Variants in TJP1 observed in about 807,000 individuals in gnomAD.
TJP1 encodes tight junction protein 1.
Under a neutral mutation model 194.2 loss-of-function variants are expected in TJP1, and 43 were observed. That is an observed-to-expected ratio of 0.22 (90% CI 0.17 to 0.29). The LOEUF is 0.29. Ranked by LOEUF, TJP1 falls within the 10% of genes least tolerant of loss-of-function variation. The pLI is 1.00. For missense variants in TJP1, 1,971 were observed against 2,185.7 expected (o/e 0.90, Z 1.96); for synonymous variants, 801 against 779.0 (o/e 1.03, Z -0.47).
At chr15:29,832,061 C>T (rs114798201) in intron 2 of TJP1, among the ~76,000 whole-genome samples, 1,928 of 152,206 alleles carry the variant, frequency 0.013, 46 homozygotes, top group African/African-American at 0.045. Flanking sequence ...TACATTATTC[C>T]TGTCCCTGTT....
Position 29,732,591 on chromosome 15 carries a change from C to T in TJP1, c.1921+40G>A, listed in dbSNP as rs376219102. Reference sequence around the variant, plus strand: ...ACCTTTTCTTTCTTAAACATATTGACGTTAAAGGGTATTAGGTTAGTCTGT... The same window carrying T: ...ACCTTTTCTTTCTTAAACATATTGATGTTAAAGGGTATTAGGTTAGTCTGT... On this transcript the variant is annotated intron_variant, in intron 14 of 27. Transcript: ENST00000614355. The T allele has an allele frequency of 3.5e-5, 56 of 1,611,684 alleles. 1 individual carries two copies. The highest frequency in any genetic ancestry group is 4.4e-5 in the South Asian group (4 of 90,996).
intron 2 of TJP1, among the ~76,000 whole-genome samples, chr15:29,877,959 G>A (rs1482566937): frequency 6.6e-6 from 1 of 152,008 alleles, no homozygotes; most frequent in Non-Finnish European, 1.5e-5. Context: ...GAGCCACCCC[G>A]CCCGGCCGAT....
intron 1 of TJP1, among the ~76,000 whole-genome samples, chr15:29,806,706 A>T (rs1045161601): frequency 6.6e-6 from 1 of 152,220 alleles, no homozygotes; most frequent in African/African-American, 2.4e-5. Context: ...TTCAGTGAAT[A>T]AAACAGATGA....
At chr15:29,704,342 T>C (rs1046549941) in intron 26 of TJP1, 37 bp from the exon 27 acceptor site, 41 of 1,548,766 alleles carry the variant, frequency 2.6e-5, no homozygotes, top group Non-Finnish European at 3.5e-5. Context: ...AGAGGATGGA[T>C]GTGGTCTTTC....
chr15:29,949,686 C>G (rs1245822028), intron 2 of TJP1, among the ~76,000 whole-genome samples: 1 of 106,304 alleles, frequency 9.4e-6, no homozygotes, highest in Non-Finnish European at 2.0e-5. Context: ...TCCACCTTCA[C>G]CACCACCTCC....
rs1356694153 is a variant in TJP1 at position 29,949,297 on chromosome 15, C to T, written c.306+6935G>A. ...CCATCACCTCCACCGCCATCACCTC[C>T]ACCACCACCACCTCCACTTTCACCA... On this transcript the variant is annotated intron_variant, in intron 2 of 28. Transcript: ENST00000356107. 4.6e-3 allele frequency among the ~76,000 whole-genome samples: 579 copies of T among 126,952 alleles called. 3 individuals are homozygous for T. The highest frequency in any genetic ancestry group is 0.017 in the African/African-American group (549 of 31,372). The allele number at this position is 126,952 out of a possible 152,430, so 83.3% of individuals were successfully genotyped here. A position where few individuals can be genotyped will look rare whatever the true frequency, so the allele number is the denominator to read the frequency against.
chr15:29,709,943 C>T lies in TJP1; in HGVS notation c.4372+888G>A, dbSNP rs1046618065. Among the ~76,000 whole-genome samples the T allele has an allele frequency of 4.6e-5, 7 of 152,184 alleles. No individual in the cohort carries two copies. In the East Asian group the frequency reaches 9.7e-4, roughly 21 times the overall value. ...GGCGGATCACCTGAGGTCAGGAGTT[C>T]GTGACCAGCCTGGCTAACATGATGA... is the stretch of plus-strand genomic sequence containing the variant. On this transcript the variant is annotated intron_variant, in intron 24 of 27. Coordinates refer to ENST00000614355, the MANE Select transcript of TJP1 (RefSeq NM_001330239.4).
intron 2 of TJP1, among the ~76,000 whole-genome samples, chr15:29,783,050 G>T (rs1363121346): frequency 6.6e-6 from 1 of 152,108 alleles, no homozygotes; most frequent in East Asian, 1.9e-4. Context: ...GAGGCTGGTG[G>T]ATTACCTGAG....
intron 26 of TJP1, among the ~76,000 whole-genome samples, chr15:29,704,617 T>C (rs2041775463): frequency 6.6e-6 from 1 of 152,388 alleles, no homozygotes; most frequent in African/African-American, 2.4e-5. Context: ...ACTTGGTGTG[T>C]ATTTCACATT....
chr15:29,822,992 T>C (rs1175083716), upstream of TJP1: 1 of 152,294 alleles, frequency 6.6e-6, no homozygotes, highest in Non-Finnish European at 1.5e-5. Flanking sequence ...TCAGAAGCGT[T>C]GCTCTCGTTC....
intron 2 of TJP1, among the ~76,000 whole-genome samples, chr15:29,839,068 G>A (rs556441003): frequency 3.3e-4 from 42 of 128,162 alleles, no homozygotes; most frequent in Admixed American, 8.2e-4. Flanking sequence ...GTGCCATCTC[G>A]GCTCACTGCA....
In TJP1 at chr15:29,968,220, T is replaced by C. The variant is rs989795259; in HGVS notation, c.173+447A>G. 25 of 985,302 alleles carry C rather than the reference T, an allele frequency of 2.5e-5. 1 individual carries two copies. In the Admixed American group the frequency reaches 1.2e-3, roughly 46 times the overall value. The allele number at this position is 985,302 out of a possible 1,614,324, so 61.0% of individuals were successfully genotyped here. A position where few individuals can be genotyped will look rare whatever the true frequency, so the allele number is the denominator to read the frequency against. ...GCCTTGCTCGTCCTCTACTATGCAC[T>C]CAGCAGCAGACGAATTTTTGGAAAA... is the stretch of plus-strand genomic sequence containing the variant. On this transcript the variant is annotated intron_variant, in intron 1 of 28. Transcript: ENST00000356107.
chr15:29,713,231 T>C (rs2042350261), intron 23 of TJP1, among the ~76,000 whole-genome samples: 1 of 152,256 alleles, frequency 6.6e-6, no homozygotes, highest in Non-Finnish European at 1.5e-5. Context: ...CTGGTTGTCC[T>C]GAAGAAGTTG....
chr15:29,742,161 A>G (rs2044464324), intron 9 of TJP1, among the ~76,000 whole-genome samples: 1 of 152,062 alleles, frequency 6.6e-6, no homozygotes, highest in South Asian at 2.1e-4. Flanking sequence ...GATCAGGTGG[A>G]AAGACAGCTG....
intron 18 of TJP1, among the ~76,000 whole-genome samples, chr15:29,722,060 G>A (rs2042961557): frequency 6.6e-6 from 1 of 152,224 alleles, no homozygotes; most frequent in Admixed American, 6.5e-5. Flanking sequence ...AAGTGAAGCA[G>A]AGCATAAAAG....
At chr15:29,734,468 C>T (rs944813994) in intron 11 of TJP1, 86 bp from the exon 12 acceptor site, 50 of 969,868 alleles carry the variant, frequency 5.2e-5, no homozygotes, top group Non-Finnish European at 7.5e-5. Context: ...CTCAGTCTAC[C>T]TAATTTGAAA....
At chr15:29,963,443 T>C (rs1241716164) in intron 1 of TJP1, among the ~76,000 whole-genome samples, 4 of 152,274 alleles carry the variant, frequency 2.6e-5, no homozygotes, top group African/African-American at 9.6e-5. Flanking sequence ...AATGACAAGA[T>C]ACTTGGAAAG....
chr15:29,856,741 A>C (rs1247793103), intron 2 of TJP1, among the ~76,000 whole-genome samples: 1 of 151,976 alleles, frequency 6.6e-6, no homozygotes, highest in African/African-American at 2.4e-5. Context: ...TGGGAGGCTG[A>C]GGCGGGCAGA....
At chr15:29,726,515 A>G in intron 17 of TJP1, 36 bp from the exon 18 acceptor site, 1 of 1,587,892 alleles carries the variant, frequency 6.3e-7, no homozygotes, top group Non-Finnish European at 8.6e-7. Context: ...TTATGGTTAG[A>G]GCACTGCCAA....
Sources: allele counts gnomAD v4.1 joint callset (sites outside exome capture counted in the v4.1 genomes callset), GRCh38; gene constraint gnomAD v4.1.1; transcripts MANE v1.5; gene names NCBI Gene and HGNC (gene_info 2026-07-23, HGNC 2026-07-21).